The following CRLF2 variants were observed in gnomAD, a reference collection of about 807,000 sequenced individuals.
The protein encoded by CRLF2 is cytokine receptor-like factor 2.
CRLF2 carries 41 observed loss-of-function variants against 38.7 expected under a neutral mutation model. That is an observed-to-expected ratio of 1.06 (90% CI 0.83 to 1.37). The LOEUF (loss-of-function observed/expected upper bound fraction) is 1.37, where lower values mean the gene tolerates loss of function less well. CRLF2 is among the 40% of genes most tolerant of loss of function. The pLI, the probability that CRLF2 is intolerant of heterozygous loss-of-function variation, is 0.00. For missense variants in CRLF2, 377 were observed against 322.2 expected (o/e 1.17, Z -1.30); for synonymous variants, 140 against 128.8 (o/e 1.09, Z -0.59).
intron 4 of CRLF2, among the ~76,000 whole-genome samples, chrX:1,199,354 G>C (rs1297058287): frequency 6.6e-6 from 1 of 151,834 alleles, no homozygotes; most frequent in Non-Finnish European, 1.5e-5. Context: ...GCCCAGGCTG[G>C]AGTGCAGTGG....
chrX:1,197,792 C>T (rs1490856946), intron 5 of CRLF2, among the ~76,000 whole-genome samples: 1 of 150,826 alleles, frequency 6.6e-6, no homozygotes, highest in African/African-American at 2.4e-5. Flanking sequence ...CCAGCCTGGA[C>T]CACAGACTGA....
chrX:1,196,782 C>A lies in CRLF2; in HGVS notation c.765G>T (p.Trp255Cys), dbSNP rs756815530. ...SLLLLSLWKL[W>C]RVKKFLIPSV... is the part of the protein sequence containing the mutation. ...CGGGCGGCAGGAGTCATCCTTACCT[C>A]CATAATTTCCATAAAGACAGAAGGA... The change falls in exon 6 of 8, where the codon TGG becomes TGT. Residue 255 changes from tryptophan (W) to cysteine (C), a missense_variant and splice_region_variant. Physicochemically the swap from Trp to Cys is radical, Grantham distance 215 (BLOSUM62 -2). Coordinates refer to ENST00000400841, the MANE Select transcript of CRLF2 (RefSeq NM_022148.4). 1 of 1,613,320 alleles carries A rather than the reference C, an allele frequency of 6.2e-7. No individual in the cohort carries two copies. Among genetic ancestry groups the A allele is most frequent in the Admixed American group, 1.7e-5 (1 of 59,914 alleles).
chrX:1,190,684 A>G lies in CRLF2; in HGVS notation c.*213T>C, dbSNP rs2086359464. On this transcript the variant is annotated 3_prime_UTR_variant, in exon 8 of 8. Transcript: ENST00000400841. ...CTGGAGCAATTGGCTCCCATCTGCC[A>G]TCAAGCCTTTGAACACAGAGACTCA... 1.0e-5 allele frequency: 4 copies of G among 397,490 alleles called. No individual in the cohort carries two copies. The highest frequency in any genetic ancestry group is 4.1e-5 in the African/African-American group (2 of 48,764). The allele number at this position is 397,490 out of a possible 1,614,324, so 24.6% of individuals were successfully genotyped here. A position where few individuals can be genotyped will look rare whatever the true frequency, so the allele number is the denominator to read the frequency against.
intron 2 of CRLF2, among the ~76,000 whole-genome samples, chrX:1,208,279 C>A (rs1403430996): frequency 6.6e-6 from 1 of 152,088 alleles, no homozygotes; most frequent in Non-Finnish European, 1.5e-5. Flanking sequence ...GATTTTCAGT[C>A]CGGATGCCGT....
intron 5 of CRLF2, among the ~76,000 whole-genome samples, chrX:1,197,396 C>G (rs1329611163): frequency 6.6e-6 from 1 of 151,888 alleles, no homozygotes; most frequent in Non-Finnish European, 1.5e-5. Context: ...ACAGCCACCC[C>G]GAGGAAGTAA....
At chrX:1,192,779 C>G (rs1489523283) in intron 7 of CRLF2, among the ~76,000 whole-genome samples, 4 of 129,292 alleles carry the variant, frequency 3.1e-5, no homozygotes, top group Non-Finnish European at 5.0e-5. Flanking sequence ...CTTCCTTCCT[C>G]TCTCCCCCTT....
At chrX:1,191,751 G>C (rs1484058639) in intron 7 of CRLF2, among the ~76,000 whole-genome samples, 1 of 151,304 alleles carries the variant, frequency 6.6e-6, no homozygotes, top group African/African-American at 2.4e-5. Context: ...GGCTGGACTC[G>C]AACTCCCGAC....
intron 6 of CRLF2, among the ~76,000 whole-genome samples, chrX:1,194,406 G>A (rs2086444532): frequency 6.6e-6 from 1 of 152,148 alleles, no homozygotes; most frequent in African/African-American, 2.4e-5. Flanking sequence ...AGTTTGCAGT[G>A]AGCCCAGATC....
At chrX:1,212,436 A>AG in intron 1 of CRLF2, 120 bp downstream of exon 1, 1 of 575,176 alleles carries the variant, frequency 1.7e-6, no homozygotes, top group Non-Finnish European at 3.0e-6. Context: ...AAAAAAAAAA[A>AG]AAGAAAAGAA....
intron 3 of CRLF2, among the ~76,000 whole-genome samples, chrX:1,203,095 CAAAAAAAAAAA>C (rs782280523): frequency 1.5e-5 from 1 of 66,942 alleles, no homozygotes; most frequent in Non-Finnish European, 2.6e-5. Flanking sequence ...GAGACTATCT[CAAAAAAAAAAA>C]AAAAAAAAAA....
chrX:1,192,626 CTCTT>C (rs1418434671), intron 7 of CRLF2, among the ~76,000 whole-genome samples: 44 of 148,722 alleles, frequency 3.0e-4, no homozygotes, highest in Admixed American at 2.0e-3. Flanking sequence ...TTCTTTCTCT[CTCTT>C]TCTTTCTTCC....
intron 7 of CRLF2, among the ~76,000 whole-genome samples, 200 bp from the exon 8 acceptor site, chrX:1,191,360 TCCTTTCTTTC>T (rs2086376742): frequency 3.5e-5 from 2 of 56,428 alleles, no homozygotes; most frequent in South Asian, 7.9e-4. Flanking sequence ...TTTCTTTCTT[TCCTTTCTTTC>T]TCTTTCTTTC....
At chrX:1,195,990 A>G (rs1187323531) in intron 6 of CRLF2, among the ~76,000 whole-genome samples, 7 of 138,624 alleles carry the variant, frequency 5.0e-5, no homozygotes, top group Admixed American at 4.9e-4. Flanking sequence ...ATATTTTTAT[A>G]TATTTATATA....
intron 1 of CRLF2, 115 bp downstream of exon 1, chrX:1,212,441 A>G (rs1203966126): frequency 1.5e-6 from 1 of 663,724 alleles, no homozygotes; most frequent in Non-Finnish European, 2.5e-6. Flanking sequence ...AAAAAAAAGA[A>G]AAGAAGAAAG....
rs760600451 is a variant in CRLF2, at chrX:1,208,924, C to A, written c.80-16G>T. On this transcript the variant is annotated splice_polypyrimidine_tract_variant and intron_variant, in intron 1 of 7. Transcript: ENST00000400841. ...ACTCCTTCTGCTAGACACAGAGAGA[C>A]GCATGAAGTTCACGGTGAGGCAACT... The A allele has an allele frequency of 7.2e-7, 1 of 1,392,136 alleles. No individual in the cohort carries two copies. The highest frequency in any genetic ancestry group is 1.0e-6 in the Non-Finnish European group (1 of 984,644). 86.2% of individuals were successfully genotyped at this position (1,392,136 alleles called of 1,614,324 possible).
chrX:1,196,743 G>A (rs139812396), intron 6 of CRLF2, 37 bp downstream of exon 6: 172,978 of 1,604,060 alleles, frequency 0.11, 9,900 homozygotes, highest in African/African-American at 0.17. Flanking sequence ...TGTGCAAGCA[G>A]GTCCCTCCAC....
chrX:1,192,117 A>C (rs1321564426), intron 7 of CRLF2, among the ~76,000 whole-genome samples: 1 of 144,858 alleles, frequency 6.9e-6, no homozygotes, highest in Non-Finnish European at 1.5e-5. Context: ...AGGCAGGAGA[A>C]TGGCGTGAAC....
rs2086392712 is a variant in CRLF2, at chrX:1,192,120, G to A, written c.853-960C>T. 2.8e-5 allele frequency among the ~76,000 whole-genome samples: 4 copies of A among 142,212 alleles called. No individual in the cohort carries two copies. The South Asian group carries it at 9.3e-4, about 33-fold the overall frequency. 93.3% of individuals were successfully genotyped at this position (142,212 alleles called of 152,430 possible). ...CTTGGGAGGCTGAGGCAGGAGAATG[G>A]CGTGAACCCGGGAGGTGGAGCTTGC... is the stretch of plus-strand genomic sequence containing the variant. On this transcript the variant is annotated intron_variant, in intron 7 of 7. Transcript: ENST00000400841.
chrX:1,197,087 C>G (rs1603394916), intron 5 of CRLF2, among the ~76,000 whole-genome samples, 187 bp from the exon 6 acceptor site: 1 of 117,190 alleles, frequency 8.5e-6, no homozygotes, highest in African/African-American at 3.4e-5. Flanking sequence ...GTCAGCAAAT[C>G]TTTTACTTTT....
Sources: allele counts gnomAD v4.1 joint callset (sites outside exome capture counted in the v4.1 genomes callset), GRCh38; gene constraint gnomAD v4.1.1; transcripts MANE v1.5; gene names NCBI Gene and HGNC (gene_info 2026-07-23, HGNC 2026-07-21).